The following TSC22D2 variants were observed in gnomAD, a reference collection of about 807,000 sequenced individuals.
TSC22D2 encodes the protein TSC22 domain family protein 2.
TSC22D2 carries 5 observed loss-of-function variants against 50.1 expected under a neutral mutation model. The ratio of observed to expected loss-of-function variants is 0.10; its 90% CI spans 0.05 to 0.21. The LOEUF is 0.21. Ranked by LOEUF, TSC22D2 falls within the 10% of genes least tolerant of loss-of-function variation. The pLI, the probability that TSC22D2 is intolerant of heterozygous loss-of-function variation, is 1.00. For synonymous variants in TSC22D2, 501 were observed against 450.1 expected (o/e 1.11, Z -1.43); for missense variants, 1,003 against 1,015.5 (o/e 0.99, Z 0.17).
chr3:150,462,301 T>A lies in TSC22D2; in HGVS notation c.*3665T>A, dbSNP rs1373945223. 1 of 152,286 alleles carries A rather than the reference T, an allele frequency of 6.6e-6. No homozygotes were observed. Among genetic ancestry groups the A allele is most frequent in the East Asian group, 1.9e-4 (1 of 5,180 alleles). 9.4% of individuals were successfully genotyped at this position (152,286 alleles called of 1,614,324 possible). ...GCATTGGAGACAGGCAGGCAGTGAC[T>A]TCCCCACTGACCTAGTATTTTGGCA... On this transcript the variant is annotated 3_prime_UTR_variant, in exon 3 of 3. Coordinates refer to ENST00000688009, the MANE Select transcript of TSC22D2 (RefSeq NM_001303264.2).
At chr3:150,419,544 G>A (rs899498694) in intron 1 of TSC22D2, among the ~76,000 whole-genome samples, 1 of 152,096 alleles carries the variant, frequency 6.6e-6, no homozygotes, top group African/African-American at 2.4e-5. Flanking sequence ...AGAGAAAGAG[G>A]TGTTTGTTGA....
In TSC22D2 at chr3:150,410,464, G is replaced by T; in HGVS notation, c.1114G>T (p.Val372Phe). The change falls in exon 1 of 3, where the codon GTC becomes TTC. Residue 372 changes from valine to phenylalanine, a missense_variant. Physicochemically the swap from Val to Phe is conservative, Grantham distance 50 (BLOSUM62 -1). This residue lies in a region of TSC22D2 where 696 missense variants were observed against 647.8 expected (regional missense o/e 1.07). Transcript: ENST00000688009. Reference sequence around the variant, plus strand: ...GATACCGCCCGGACATTTGCTGCCCGTCCAGCCCTCCGGCCAGAGTGAGTA... The same window carrying T: ...GATACCGCCCGGACATTTGCTGCCCTTCCAGCCCTCCGGCCAGAGTGAGTA... ...PQIPPGHLLP[V>F]QPSGQSEYLQ... The T allele has an allele frequency of 1.2e-6, 2 of 1,608,636 alleles. No individual in the cohort carries two copies. The highest frequency in any genetic ancestry group is 1.7e-6 in the Non-Finnish European group (2 of 1,178,398).
intron 1 of TSC22D2, 179 bp from the exon 2 acceptor site, chr3:150,456,897 C>G: frequency 1.7e-6 from 1 of 594,146 alleles, no homozygotes; most frequent in Non-Finnish European, 2.9e-6. Context: ...CATCTATTTA[C>G]TGAGACTTTC....
intron 1 of TSC22D2, among the ~76,000 whole-genome samples, chr3:150,447,380 C>T (rs554863047): frequency 1.3e-5 from 2 of 152,086 alleles, no homozygotes; most frequent in African/African-American, 2.4e-5. Context: ...TGGTTTGAGT[C>T]GCCTACTGCA....
At position 150,460,234 on chromosome 3, in the gene TSC22D2, A is replaced by AAAC. The variant is rs1327095205; in HGVS notation, c.*1601_*1603dup. On this transcript the variant is annotated 3_prime_UTR_variant, in exon 3 of 3. Coordinates refer to ENST00000688009, the MANE Select transcript of TSC22D2 (RefSeq NM_001303264.2). ...TGATAGTTCTTAAATTTTCAAAGTA[A>AAAC]AACAATTTAAAGAATGCAAAAATAG... The AAAC allele has an allele frequency of 1.3e-5, 2 of 152,160 alleles. No individual in the cohort carries two copies. Among genetic ancestry groups the AAAC allele is most frequent in the Non-Finnish European group, 2.9e-5 (2 of 67,984 alleles). 9.4% of individuals were successfully genotyped at this position (152,160 alleles called of 1,614,324 possible).
At chr3:150,412,988 C>G (rs1339425807) in intron 1 of TSC22D2, among the ~76,000 whole-genome samples, 1 of 152,048 alleles carries the variant, frequency 6.6e-6, no homozygotes, top group Non-Finnish European at 1.5e-5. Context: ...TGAGCTACCC[C>G]GCTTTCTATA....
intron 1 of TSC22D2, among the ~76,000 whole-genome samples, chr3:150,449,652 T>C (rs1720983013): frequency 6.6e-6 from 1 of 152,128 alleles, no homozygotes; most frequent in African/African-American, 2.4e-5. Flanking sequence ...AGCATTGCTG[T>C]TATAAACAGT....
chr3:150,457,497 A>G (rs1371052979), intron 2 of TSC22D2, among the ~76,000 whole-genome samples: 1 of 152,152 alleles, frequency 6.6e-6, no homozygotes, highest in African/African-American at 2.4e-5. Context: ...AGTAGACTGT[A>G]AGTAAGCTAT....
At chr3:150,421,831 T>C (rs1720020637) in intron 1 of TSC22D2, among the ~76,000 whole-genome samples, 1 of 152,224 alleles carries the variant, frequency 6.6e-6, no homozygotes, top group Non-Finnish European at 1.5e-5. Context: ...ACATTTAGTC[T>C]CAGTTCTTTA....
chr3:150,448,899 T>C (rs568638643), intron 1 of TSC22D2, among the ~76,000 whole-genome samples: 1 of 150,624 alleles, frequency 6.6e-6, no homozygotes, highest in South Asian at 2.1e-4. Flanking sequence ...TATATATAAT[T>C]AGGGGATAAA....
At chr3:150,446,290 G>A (rs73167540) in intron 1 of TSC22D2, among the ~76,000 whole-genome samples, 22,541 of 152,074 alleles carry the variant, frequency 0.15, 1,834 homozygotes, top group Non-Finnish European at 0.2. Context: ...AAACTGAAAC[G>A]TAGACAACTT....
chr3:150,413,075 C>T (rs1719652200), intron 1 of TSC22D2, among the ~76,000 whole-genome samples: 1 of 152,068 alleles, frequency 6.6e-6, no homozygotes, highest in Admixed American at 6.6e-5. Flanking sequence ...TTACAGCATC[C>T]ATACTTAGAT....
chr3:150,435,923 T>G (rs1720525153), intron 1 of TSC22D2, among the ~76,000 whole-genome samples: 1 of 152,156 alleles, frequency 6.6e-6, no homozygotes, highest in African/African-American at 2.4e-5. Context: ...TTAGTACAGT[T>G]TTCTCATTAA....
At chr3:150,434,722 T>C (rs1012729405) in intron 1 of TSC22D2, among the ~76,000 whole-genome samples, 5 of 152,216 alleles carry the variant, frequency 3.3e-5, no homozygotes, top group East Asian at 1.9e-4. Flanking sequence ...CTTTAAGCTG[T>C]GTATTTGGTG....
chr3:150,454,287 C>T (rs994688817), intron 1 of TSC22D2, among the ~76,000 whole-genome samples: 7 of 151,978 alleles, frequency 4.6e-5, no homozygotes, highest in Non-Finnish European at 7.4e-5. Context: ...CAAGGAAACC[C>T]GAGAGAACAT....
chr3:150,417,604 A>G (rs1204587934), intron 1 of TSC22D2, among the ~76,000 whole-genome samples: 1 of 151,568 alleles, frequency 6.6e-6, no homozygotes, highest in Non-Finnish European at 1.5e-5. Context: ...CCTCTTATGA[A>G]AAATGGGGAT....
intron 1 of TSC22D2, among the ~76,000 whole-genome samples, chr3:150,417,447 G>GT (rs1005936170): frequency 1.3e-5 from 2 of 152,082 alleles, no homozygotes; most frequent in Non-Finnish European, 2.9e-5. Flanking sequence ...GGGAGGAGCT[G>GT]TTTTGATCAA....
intron 1 of TSC22D2, among the ~76,000 whole-genome samples, chr3:150,448,089 C>G (rs1386754398): frequency 6.6e-6 from 1 of 152,146 alleles, no homozygotes; most frequent in Admixed American, 6.5e-5. Flanking sequence ...TTCTCCTGTC[C>G]TTTCTTAGGT....
intron 1 of TSC22D2, among the ~76,000 whole-genome samples, chr3:150,453,490 G>C (rs915147052): frequency 6.6e-6 from 1 of 152,228 alleles, no homozygotes; most frequent in Non-Finnish European, 1.5e-5. Flanking sequence ...GGCTAAAGCA[G>C]TGGTTCTCAT....
Sources: gnomAD v4.1 joint callset for allele counts (sites outside exome capture counted in the v4.1 genomes callset) on GRCh38, gnomAD v4.1.1 for gene constraint, gnomAD v4.1.1 regional missense constraint, MANE v1.5 for transcripts, NCBI Gene and HGNC (gene_info 2026-07-23, HGNC 2026-07-21) for gene names.